PAK3: variants seen among roughly 807,000 people sequenced by gnomAD.
PAK3 encodes p21 (RAC1) activated kinase 3.
In PAK3, 4 loss-of-function variants were observed where a neutral mutation model predicts 41.0. That is an observed-to-expected ratio of 0.10 (90% CI 0.05 to 0.22). The LOEUF is 0.22. Ranked by LOEUF, PAK3 falls within the 10% of genes least tolerant of loss-of-function variation. PAK3 has a pLI of 1.00. For synonymous variants in PAK3, 146 were observed against 139.6 expected, an observed-to-expected ratio of 1.05 and a Z score of -0.32; for missense variants, 205 against 409.9, an observed-to-expected ratio of 0.50 and a Z score of 4.32.
intron 1 of PAK3, among the ~76,000 whole-genome samples, chrX:111,073,450 G>A (rs775792983): frequency 9.0e-6 from 1 of 111,044 alleles, no homozygotes; most frequent in Non-Finnish European, 1.9e-5. Flanking sequence ...TTTTTGAAAA[G>A]GTATACAAAA....
At chrX:111,005,885 C>T (rs2091914507) in intron 1 of PAK3, among the ~76,000 whole-genome samples, 2 of 111,507 alleles carry the variant, frequency 1.8e-5, no homozygotes, top group Non-Finnish European at 3.8e-5. Flanking sequence ...CATCAAAAAG[C>T]AATGAGGAAA....
intron 4 of PAK3, among the ~76,000 whole-genome samples, chrX:111,117,386 C>A (rs1234349373): frequency 2.7e-5 from 3 of 111,480 alleles, no homozygotes; most frequent in African/African-American, 9.8e-5. Context: ...TGACCTTGGG[C>A]AAGTACTTAA....
intron 16 of PAK3, among the ~76,000 whole-genome samples, chrX:111,215,411 T>C (rs945987297): frequency 7.2e-5 from 8 of 111,071 alleles, no homozygotes; most frequent in African/African-American, 2.3e-4. Flanking sequence ...TGGTGACGCG[T>C]GCCTGTAATC....
At chrX:110,980,967 G>A (rs1173848804) in intron 1 of PAK3, among the ~76,000 whole-genome samples, 1 of 111,841 alleles carries the variant, frequency 8.9e-6, no homozygotes, top group Non-Finnish European at 1.9e-5. Context: ...AATATTTTTA[G>A]GTTTCATGGC....
chrX:111,049,759 G>A (rs138423856), intron 1 of PAK3, among the ~76,000 whole-genome samples: 3 of 112,371 alleles, frequency 2.7e-5, no homozygotes, highest in Non-Finnish European at 5.6e-5. Flanking sequence ...GGAACTTGGT[G>A]TATAGGAGTA....
At chrX:111,152,313 A>C in intron 7 of PAK3, 97 bp from the exon 8 acceptor site, 2 of 593,730 alleles carry the variant, frequency 3.4e-6, no homozygotes, top group East Asian at 6.8e-5. Context: ...CTTCTAGTTG[A>C]AATCATGCAG....
chrX:110,969,386 C>T (rs907357809), intron 1 of PAK3, among the ~76,000 whole-genome samples: 1 of 100,136 alleles, frequency 1.0e-5, no homozygotes, highest in Non-Finnish European at 2.0e-5. Flanking sequence ...CGGGTTTAAG[C>T]GATTCTTGTG....
chrX:111,168,734 G>C (rs1416265171), intron 10 of PAK3, among the ~76,000 whole-genome samples: 1 of 111,660 alleles, frequency 9.0e-6, no homozygotes, highest in African/African-American at 3.3e-5. Context: ...TTTGGAATGG[G>C]TCATAATTCA....
chrX:111,079,949 G>A (rs1369686582), intron 1 of PAK3, among the ~76,000 whole-genome samples: 1 of 112,075 alleles, frequency 8.9e-6, no homozygotes, highest in Non-Finnish European at 1.9e-5. Flanking sequence ...TAGAAATGGA[G>A]CCTGAAAATG....
At chrX:111,035,497 G>A (rs1333876100) in intron 1 of PAK3, among the ~76,000 whole-genome samples, 1 of 111,887 alleles carries the variant, frequency 8.9e-6, no homozygotes, top group Non-Finnish European at 1.9e-5. Context: ...ACTGAATGGT[G>A]CCTGGCATGA....
At chrX:111,180,104 A>G in intron 11 of PAK3, among the ~76,000 whole-genome samples, 1 of 111,660 alleles carries the variant, frequency 9.0e-6, no homozygotes, top group Middle Eastern at 4.7e-3. Context: ...AAGAGTTAGC[A>G]TGGAGTTACA....
chrX:111,164,170 G>A (rs938544506), intron 10 of PAK3, among the ~76,000 whole-genome samples: 2 of 110,928 alleles, frequency 1.8e-5, no homozygotes, highest in African/African-American at 6.6e-5. Flanking sequence ...TATGTGGCAG[G>A]AGAGACAGAA....
At chrX:111,150,361 T>A (rs192348222) in intron 7 of PAK3, among the ~76,000 whole-genome samples, 2 of 112,161 alleles carry the variant, frequency 1.8e-5, no homozygotes, top group East Asian at 5.6e-4. Context: ...TTCCACATTA[T>A]TGGGTATCTT....
chrX:111,099,673 G>C (rs2093086600), intron 3 of PAK3, among the ~76,000 whole-genome samples: 1 of 103,719 alleles, frequency 9.6e-6, no homozygotes, highest in African/African-American at 3.5e-5. Flanking sequence ...TGAACCCTGG[G>C]AGTCAGAAGT....
intron 1 of PAK3, among the ~76,000 whole-genome samples, chrX:111,030,040 C>A (rs1171302224): frequency 8.9e-6 from 1 of 111,944 alleles, no homozygotes; most frequent in African/African-American, 3.2e-5. Context: ...AATACTGCAT[C>A]ATTACATCTG....
In PAK3 at chrX:111,195,838, A is replaced by T; in HGVS notation, c.1111-4A>T. ...AATTAGAACTTTTTTTTCTGATTTA[A>T]TAGTGCCTGCAAGCTTTGGATTTCC... On this transcript the variant is annotated splice_polypyrimidine_tract_variant and splice_region_variant and intron_variant, in intron 14 of 17. Coordinates refer to ENST00000372007, the MANE Select transcript of PAK3 (RefSeq NM_002578.5). The T allele has an allele frequency of 9.0e-7, 1 of 1,113,683 alleles. No individual in the cohort carries two copies. The highest frequency in any genetic ancestry group is 1.2e-6 in the Non-Finnish European group (1 of 806,263). The allele number at this position is 1,113,683 out of a possible 1,213,427, so 91.8% of individuals were successfully genotyped here. A position where few individuals can be genotyped will look rare whatever the true frequency, so the allele number is the denominator to read the frequency against.
rs72619712 is a variant in PAK3 at position 110,968,199 on chromosome X, G to C, written c.-28+23571G>C. The stretch of plus-strand genomic sequence containing the variant: ...ATTGCTGCATAGCATTTCATGGTAT[G>C]GATATACCAGAGTTTGTCTAACCAT... On this transcript the variant is annotated intron_variant, in intron 1 of 14. Transcript: ENST00000425146. 7.1e-4 allele frequency among the ~76,000 whole-genome samples: 80 copies of C among 112,414 alleles called. 3 individuals are homozygous for C. The East Asian group carries it at 0.022, about 31-fold the overall frequency.
At chrX:111,063,551 T>C (rs2148812639) in intron 1 of PAK3, among the ~76,000 whole-genome samples, 1 of 111,566 alleles carries the variant, frequency 9.0e-6, no homozygotes, top group East Asian at 2.8e-4. Flanking sequence ...CCCCATGCTT[T>C]GGATTCAACC....
chrX:110,956,388 C>T (rs1165769466), intron 1 of PAK3, among the ~76,000 whole-genome samples: 2 of 111,432 alleles, frequency 1.8e-5, no homozygotes, highest in African/African-American at 3.3e-5. Flanking sequence ...CTTGTGGATC[C>T]CTTGGTCCCT....
Sources: gnomAD v4.1 joint callset for allele counts (sites outside exome capture counted in the v4.1 genomes callset) on GRCh38, gnomAD v4.1.1 for gene constraint, MANE v1.5 for transcripts, NCBI Gene and HGNC (gene_info 2026-07-23, HGNC 2026-07-21) for gene names.